SMYD2: variants seen among roughly 807,000 people sequenced by gnomAD.
The protein encoded by SMYD2 is N-lysine methyltransferase SMYD2.
Under a neutral mutation model 59.1 loss-of-function variants are expected in SMYD2, and 53 were observed. The ratio of observed to expected loss-of-function variants is 0.90; its 90% CI spans 0.72 to 1.13. SMYD2 has a LOEUF of 1.13. Ranked by LOEUF, SMYD2 falls within the 50% of genes most tolerant of loss-of-function variation. The probability of loss-of-function intolerance (pLI) is 0.00; values close to 1 mark genes in which losing one functional copy is unlikely to be tolerated. For synonymous variants in SMYD2, 208 were observed against 198.8 expected (o/e 1.05, Z -0.39); for missense variants, 494 against 544.7 (o/e 0.91, Z 0.93).
intron 1 of SMYD2, among the ~76,000 whole-genome samples, chr1:214,291,773 G>T (rs369348080): frequency 6.6e-6 from 1 of 152,070 alleles, no homozygotes; most frequent in Non-Finnish European, 1.5e-5. Flanking sequence ...AGAGAGCTTC[G>T]ATCAGATACT....
Position 214,318,738 on chromosome 1 carries a change from T to A in SMYD2, c.410-121T>A. Reference sequence around the variant, plus strand: ...GAATGTTCTCTGGGGGTTCAACATGTTAGTTTTGGGTTTTTTTTTTTTCGC... The same window carrying A: ...GAATGTTCTCTGGGGGTTCAACATGATAGTTTTGGGTTTTTTTTTTTTCGC... On this transcript the variant is annotated intron_variant, in intron 4 of 11. Transcript: ENST00000366957. The surrounding 1 kb of genome is among the most constrained non-coding windows in gnomAD (Gnocchi z 5.4). The A allele has an allele frequency of 8.6e-7, 1 of 1,166,916 alleles. No homozygotes were observed. Among genetic ancestry groups the A allele is most frequent in the Non-Finnish European group, 1.2e-6 (1 of 845,920 alleles). 72.3% of individuals were successfully genotyped at this position (1,166,916 alleles called of 1,614,324 possible).
chr1:214,290,155 C>G (rs1272117285), intron 1 of SMYD2, among the ~76,000 whole-genome samples: 1 of 152,206 alleles, frequency 6.6e-6, no homozygotes, highest in African/African-American at 2.4e-5. Flanking sequence ...AGAAGGAAAT[C>G]AGATCTCTTC....
chr1:214,304,568 A>AAAAC, intron 1 of SMYD2, among the ~76,000 whole-genome samples: 1 of 150,840 alleles, frequency 6.6e-6, no homozygotes, highest in African/African-American at 2.4e-5. Context: ...CAAAAAAAAA[A>AAAAC]AAAAAAAAAA....
chr1:214,302,175 C>T (rs1026855870), intron 1 of SMYD2, among the ~76,000 whole-genome samples: 2 of 152,000 alleles, frequency 1.3e-5, no homozygotes, highest in East Asian at 3.9e-4. Flanking sequence ...AACCCTGTCT[C>T]TACTAATACA....
At chr1:214,310,503 A>ATTTTTTT (rs10699247) in intron 2 of SMYD2, among the ~76,000 whole-genome samples, 1 of 136,422 alleles carries the variant, frequency 7.3e-6, no homozygotes, top group Admixed American at 7.5e-5. Context: ...TATTTTATTA[A>ATTTTTTT]TTTTTTTTTT....
chr1:214,305,499 A>G (rs1462459568), intron 2 of SMYD2, among the ~76,000 whole-genome samples: 1 of 152,258 alleles, frequency 6.6e-6, no homozygotes, highest in Non-Finnish European at 1.5e-5. Flanking sequence ...CAGGTGTGCT[A>G]GCAAGTCTGC....
chr1:214,303,862 C>T (rs930781602), intron 1 of SMYD2, among the ~76,000 whole-genome samples: 3 of 152,246 alleles, frequency 2.0e-5, no homozygotes, highest in Admixed American at 1.3e-4. Flanking sequence ...GGTGGCTCTG[C>T]GGCAGTGTAG....
Position 214,337,054 on chromosome 1 carries a change from G to A in SMYD2, c.*270G>A. On this transcript the variant is annotated 3_prime_UTR_variant, in exon 12 of 12. Transcript: ENST00000366957. ...TTTGGACAGACAGAGTTTTAAAAATGGAATTATTTTTTCTTTCATGCCTCT... is the reference window on the plus strand; with the variant it reads ...TTTGGACAGACAGAGTTTTAAAAATAGAATTATTTTTTCTTTCATGCCTCT... 1 of 306,876 alleles carries A rather than the reference G, an allele frequency of 3.3e-6. No individual in the cohort carries two copies. The allele number at this position is 306,876 out of a possible 1,614,324, so 19.0% of individuals were successfully genotyped here. A position where few individuals can be genotyped will look rare whatever the true frequency, so the allele number is the denominator to read the frequency against.
chr1:214,313,492 G>T (rs562428628), intron 2 of SMYD2, among the ~76,000 whole-genome samples: 2 of 150,536 alleles, frequency 1.3e-5, no homozygotes, highest in South Asian at 2.1e-4. Context: ...AGTATACAAC[G>T]TGCTCTGATA....
intron 5 of SMYD2, among the ~76,000 whole-genome samples, chr1:214,322,635 T>G (rs1657191861): frequency 6.6e-6 from 1 of 152,188 alleles, no homozygotes; most frequent in Admixed American, 6.5e-5. Context: ...ATAACCACAT[T>G]AGCATTTAGT....
intron 2 of SMYD2, among the ~76,000 whole-genome samples, chr1:214,310,219 C>CTA (rs1377137468): frequency 3.5e-4 from 54 of 152,336 alleles, no homozygotes; most frequent in African/African-American, 1.3e-3. Context: ...ACTCTTTATG[C>CTA]ATCTTTAAGC....
At chr1:214,301,470 G>T (rs1244817611) in intron 1 of SMYD2, among the ~76,000 whole-genome samples, 1 of 152,054 alleles carries the variant, frequency 6.6e-6, no homozygotes, top group African/African-American at 2.4e-5. Context: ...TAGTTACCTA[G>T]ATTGTACAGA....
At chr1:214,290,420 T>C (rs1266000426) in intron 1 of SMYD2, among the ~76,000 whole-genome samples, 1 of 152,184 alleles carries the variant, frequency 6.6e-6, no homozygotes, top group Non-Finnish European at 1.5e-5. Flanking sequence ...ATTGTATGTA[T>C]GTTATTAAAA....
rs776266188 is a variant in SMYD2 at position 214,332,066 on chromosome 1, G to A, written c.986G>A (p.Ser329Asn). Residue 329 changes from serine to asparagine, a missense_variant, in exon 10 of 12, where the codon AGC (serine) becomes AAC (asparagine). Transcript: ENST00000366957. ...EICELSQEKMSSVFEDSNVYM... is the reference protein window; with the variant it reads ...EICELSQEKMNSVFEDSNVYM... ...TGCGAGCTCAGCCAGGAGAAGATGA[G>A]CTCTGTGTTTGAGGACAGTAACGTG... 2 of 1,614,024 alleles carry A rather than the reference G, an allele frequency of 1.2e-6. No homozygotes were observed. Among genetic ancestry groups the A allele is most frequent in the South Asian group, 2.2e-5 (2 of 91,074 alleles).
intron 1 of SMYD2, 52 bp downstream of exon 1, chr1:214,281,479 G>A: frequency 1.6e-6 from 2 of 1,281,486 alleles, no homozygotes; most frequent in Non-Finnish European, 2.0e-6. Context: ...CGCCGAGCGG[G>A]AGGCTTGGAC....
At position 214,319,031 on chromosome 1, in the gene SMYD2, C is replaced by G. The variant is rs1300845375; in HGVS notation, c.534+48C>G. ...ACACTCAGTCTGGCCTTTCCCTCTCCAAGGCCCTCTCCCTAGCAAGCACTC... is the reference window on the plus strand; with the variant it reads ...ACACTCAGTCTGGCCTTTCCCTCTCGAAGGCCCTCTCCCTAGCAAGCACTC... On this transcript the variant is annotated intron_variant, in intron 5 of 11. Transcript: ENST00000366957. 3 of 1,600,404 alleles carry G rather than the reference C, an allele frequency of 1.9e-6. No individual in the cohort carries two copies. In the African/African-American group the frequency reaches 4.0e-5, roughly 21 times the overall value.
chr1:214,333,796 A>G (rs1457818836), intron 10 of SMYD2: 4 of 166,350 alleles, frequency 2.4e-5, no homozygotes, highest in Non-Finnish European at 4.0e-5. Flanking sequence ...GGGTGGCTGT[A>G]TGTCTGAGTA....
At position 214,318,078 on chromosome 1, in the gene SMYD2, G is replaced by A; in HGVS notation, c.349-1G>A. ...TGTGTGATTTCTTCCCCAATTGCTA[G>A]AAAATCCACCCAGAGAGAACACCTT... On this transcript the variant is annotated splice_acceptor_variant, in intron 3 of 11. Transcript: ENST00000366957. LOFTEE classifies it high-confidence loss of function. The surrounding 1 kb of genome is among the most constrained non-coding windows in gnomAD (Gnocchi z 5.4). The A allele has an allele frequency of 6.2e-7, 1 of 1,613,552 alleles. No homozygotes were observed. Among genetic ancestry groups the A allele is most frequent in the Non-Finnish European group, 8.5e-7 (1 of 1,179,816 alleles).
intron 5 of SMYD2, among the ~76,000 whole-genome samples, chr1:214,321,751 C>T (rs918968881): frequency 6.6e-6 from 1 of 152,316 alleles, no homozygotes; most frequent in Admixed American, 6.5e-5. Context: ...ATGAGAATAG[C>T]TTTTGCAAGG....
Sources: allele counts gnomAD v4.1 joint callset (sites outside exome capture counted in the v4.1 genomes callset), GRCh38; gene constraint gnomAD v4.1.1; non-coding constraint Gnocchi (gnomAD v3.1); transcripts MANE v1.5; gene names NCBI Gene and HGNC (gene_info 2026-07-23, HGNC 2026-07-21).